The following CSMD1 variants were observed in gnomAD, a reference collection of about 807,000 sequenced individuals.
The protein encoded by CSMD1 is CUB and Sushi multiple domains 1, also known as CUB and sushi domain-containing protein 1.
Under a neutral mutation model 417.5 loss-of-function variants are expected in CSMD1, and 213 were observed. That is an observed-to-expected ratio of 0.51 (90% CI 0.46 to 0.57). CSMD1 has a LOEUF of 0.57. Among genes scored for constraint, CSMD1 ranks in the 20% least tolerant of loss-of-function variants. The pLI is 0.00. For missense variants in CSMD1, 6,923 were observed against 4,529.7 expected, an observed-to-expected ratio of 1.53 and a Z score of -15.17; for synonymous variants, 2,862 against 1,736.8, an observed-to-expected ratio of 1.65 and a Z score of -16.11.
chr8:3,955,463 A>G (rs1476178811), intron 5 of CSMD1, among the ~76,000 whole-genome samples: 1 of 152,210 alleles, frequency 6.6e-6, no homozygotes, highest in Non-Finnish European at 1.5e-5. Context: ...GAAATAAAGT[A>G]GAATTTTGTA....
At chr8:3,703,215 G>A (rs936912641) in intron 7 of CSMD1, among the ~76,000 whole-genome samples, 2 of 152,136 alleles carry the variant, frequency 1.3e-5, no homozygotes, top group Non-Finnish European at 2.9e-5. Flanking sequence ...CAGAAGAGTT[G>A]AAATATCTCT....
At chr8:3,222,591 G>A (rs1211192975) in intron 28 of CSMD1, among the ~76,000 whole-genome samples, 1 of 152,134 alleles carries the variant, frequency 6.6e-6, no homozygotes, top group African/African-American at 2.4e-5. Flanking sequence ...TTACAGTCAT[G>A]AACCACCATG....
At chr8:4,799,897 G>A (rs1481593487) in intron 1 of CSMD1, among the ~76,000 whole-genome samples, 1 of 152,064 alleles carries the variant, frequency 6.6e-6, no homozygotes, top group Non-Finnish European at 1.5e-5. Flanking sequence ...GACCTGGACT[G>A]GTAAAATGAA....
chr8:3,204,204 C>G (rs138486966), intron 31 of CSMD1, among the ~76,000 whole-genome samples: 2,588 of 152,158 alleles, frequency 0.017, 39 homozygotes, highest in Non-Finnish European at 0.026. Flanking sequence ...AAATTATAAA[C>G]GATATTTAGG....
chr8:4,462,576 A>G (rs565501423), intron 2 of CSMD1, among the ~76,000 whole-genome samples: 1 of 152,240 alleles, frequency 6.6e-6, no homozygotes, highest in South Asian at 2.1e-4. Flanking sequence ...ATTCATACCT[A>G]CCTGATTCAG....
At chr8:3,895,088 T>C (rs1481706432) in intron 5 of CSMD1, among the ~76,000 whole-genome samples, 1 of 152,168 alleles carries the variant, frequency 6.6e-6, no homozygotes, top group Non-Finnish European at 1.5e-5. Context: ...AATTAAACAT[T>C]CAAGGACTTC....
At chr8:3,091,386 T>G in intron 48 of CSMD1, 130 bp downstream of exon 48, 1 of 600,128 alleles carries the variant, frequency 1.7e-6, no homozygotes, top group Non-Finnish European at 2.6e-6. Context: ...ATCATATATT[T>G]CTACTGTAGT....
chr8:4,592,301 G>T (rs962066443), intron 2 of CSMD1, among the ~76,000 whole-genome samples: 1 of 151,686 alleles, frequency 6.6e-6, no homozygotes, highest in African/African-American at 2.4e-5. Context: ...TATATTTACA[G>T]TGGTAATTGG....
intron 26 of CSMD1, among the ~76,000 whole-genome samples, chr8:3,259,837 T>C (rs1473208414): frequency 7.1e-6 from 1 of 141,752 alleles, no homozygotes; most frequent in East Asian, 2.0e-4. Context: ...TGGTTTTACA[T>C]TTTTTAAATG....
chr8:3,494,092 T>G (rs1796260539), intron 10 of CSMD1, among the ~76,000 whole-genome samples: 1 of 152,218 alleles, frequency 6.6e-6, no homozygotes. Context: ...GACATATATT[T>G]TTACCATATC....
chr8:3,385,475 C>A (rs534481273), intron 18 of CSMD1, among the ~76,000 whole-genome samples: 2 of 151,928 alleles, frequency 1.3e-5, no homozygotes, highest in African/African-American at 4.8e-5. Context: ...ACTATCTTCT[C>A]TTTATAATAT....
chr8:4,238,957 G>A (rs905128430), intron 3 of CSMD1, among the ~76,000 whole-genome samples: 2 of 152,178 alleles, frequency 1.3e-5, no homozygotes, highest in Non-Finnish European at 2.9e-5. Flanking sequence ...CTTCTGTAGA[G>A]AGTAGACAGC....
In CSMD1 at chr8:3,839,355, T is replaced by C. The variant is rs1242142056; in HGVS notation, c.819-85313A>G. 5.8e-5 allele frequency among the ~76,000 whole-genome samples: 7 copies of C among 120,530 alleles called. No individual in the cohort carries two copies. The East Asian group carries it at 1.1e-3, about 19-fold the overall frequency. 79.1% of individuals were successfully genotyped at this position (120,530 alleles called of 152,430 possible). A position where few individuals can be genotyped will look rare whatever the true frequency, so the allele number is the denominator to read the frequency against. On this transcript the variant is annotated intron_variant, in intron 5 of 69. Coordinates refer to ENST00000635120, the MANE Select transcript of CSMD1 (RefSeq NM_033225.6). ...ATATACTATTAATTAGAATATATAA[T>C]ATTAATATATACTCTCTCTAGATAT...
At chr8:3,993,261 A>C (rs1202419451) in intron 5 of CSMD1, among the ~76,000 whole-genome samples, 1 of 152,208 alleles carries the variant, frequency 6.6e-6, no homozygotes, top group Non-Finnish European at 1.5e-5. Context: ...CAACATGAGG[A>C]GGGAGAACAT....
rs561449373 is a variant in CSMD1, at chr8:4,748,180, G to A, written c.86-110622C>T. 1.8e-4 allele frequency among the ~76,000 whole-genome samples: 28 copies of A among 152,182 alleles called. No individual in the cohort carries two copies. The East Asian group carries it at 3.3e-3, about 18-fold the overall frequency. ...CAACATGTTTCTACTCCATCACCTT[G>A]GCACATAAACATCATGCTCAAATTC... On this transcript the variant is annotated intron_variant, in intron 1 of 69. Coordinates refer to ENST00000635120, the MANE Select transcript of CSMD1 (RefSeq NM_033225.6).
chr8:4,147,808 G>C (rs914716711), intron 3 of CSMD1, among the ~76,000 whole-genome samples: 3 of 152,188 alleles, frequency 2.0e-5, no homozygotes, highest in Non-Finnish European at 4.4e-5. Flanking sequence ...CGACTCCAAA[G>C]CCGGGCAGGA....
intron 5 of CSMD1, among the ~76,000 whole-genome samples, chr8:3,804,231 C>A (rs1262991258): frequency 6.6e-6 from 1 of 152,096 alleles, no homozygotes; most frequent in Non-Finnish European, 1.5e-5. Flanking sequence ...TACACCAAGC[C>A]TAGAGACAAA....
chr8:4,177,376 A>C (rs1273983419), intron 3 of CSMD1, among the ~76,000 whole-genome samples: 2 of 152,054 alleles, frequency 1.3e-5, no homozygotes, highest in Admixed American at 1.3e-4. Flanking sequence ...TGTTCTTTGA[A>C]ACCAACGAGA....
In CSMD1 at chr8:4,608,505, G is replaced by T. The variant is rs1016102827; in HGVS notation, c.302+28837C>A. On this transcript the variant is annotated intron_variant, in intron 2 of 69. Coordinates refer to ENST00000635120, the MANE Select transcript of CSMD1 (RefSeq NM_033225.6). ...AAGAAACTGATGTATTATTTGGAGT[G>T]TTTAAATGTGGAATCTCCATAAGAG... Among the ~76,000 whole-genome samples, 7 of 152,162 alleles carry T rather than the reference G, an allele frequency of 4.6e-5. No homozygotes were observed. In the East Asian group the frequency reaches 1.4e-3, roughly 29 times the overall value.
Sources: gnomAD v4.1 joint callset for allele counts (sites outside exome capture counted in the v4.1 genomes callset) on GRCh38, gnomAD v4.1.1 for gene constraint, MANE v1.5 for transcripts, NCBI Gene and HGNC (gene_info 2026-07-23, HGNC 2026-07-21) for gene names.